Variants in MDM4 observed in about 807,000 individuals in gnomAD.
MDM4 encodes the protein protein Mdm4.
MDM4 carries 2 observed loss-of-function variants against 60.2 expected under a neutral mutation model. That is an observed-to-expected ratio of 0.03 (90% CI 0.01 to 0.10). The LOEUF (loss-of-function observed/expected upper bound fraction) is 0.10. Among genes scored for constraint, MDM4 ranks in the 10% least tolerant of loss-of-function variants. The pLI is 1.00. For missense variants in MDM4, 447 were observed against 577.5 expected, an observed-to-expected ratio of 0.77 and a Z score of 2.32; for synonymous variants, 202 against 198.1, an observed-to-expected ratio of 1.02 and a Z score of -0.17.
At position 204,551,597 on chromosome 1, in the gene MDM4, G is replaced by T. The variant is rs78615083; in HGVS notation, c.*1915G>T. 7.1e-4 allele frequency: 162 copies of T among 226,722 alleles called. No individual in the cohort carries two copies. The highest frequency in any genetic ancestry group is 3.5e-3 in the African/African-American group (153 of 44,268). 14.0% of individuals were successfully genotyped at this position (226,722 alleles called of 1,614,324 possible). A position where few individuals can be genotyped will look rare whatever the true frequency, so the allele number is the denominator to read the frequency against. ...TTTAGGACAACACATATGGAAATTG[G>T]ACATCTTTAAGTTGGTTTCCATAGA... On this transcript the variant is annotated 3_prime_UTR_variant, in exon 11 of 11. Transcript: ENST00000367182.
At position 204,542,990 on chromosome 1, in the gene MDM4, G is replaced by T. The variant is rs751515598; in HGVS notation, c.672+46G>T. 4.7e-6 allele frequency: 7 copies of T among 1,487,988 alleles called. No homozygotes were observed. In the East Asian group the frequency reaches 1.1e-4, roughly 24 times the overall value. 92.2% of individuals were successfully genotyped at this position (1,487,988 alleles called of 1,614,324 possible). A position where few individuals can be genotyped will look rare whatever the true frequency, so the allele number is the denominator to read the frequency against. On this transcript the variant is annotated intron_variant, in intron 8 of 10. Transcript: ENST00000367182. ...GAAGTGGTTTTTTTTCTTTTGAAAG[G>T]GTAACATTCTTGGTTACTCTTGACC...
chr1:204,555,829 C>T lies in MDM4; in HGVS notation c.*6147C>T, dbSNP rs551096018. On this transcript the variant is annotated 3_prime_UTR_variant, in exon 11 of 11. Transcript: ENST00000367182. ...GCAGTGAGCCGAGACTGCACCACTG[C>T]GCTCCCACCTGGGTGACAGAGACTC... 38 of 182,330 alleles carry T rather than the reference C, an allele frequency of 2.1e-4. No individual in the cohort carries two copies. Among genetic ancestry groups the T allele is most frequent in the East Asian group, 2.1e-3 (23 of 11,040 alleles). The allele number at this position is 182,330 out of a possible 1,614,324, so 11.3% of individuals were successfully genotyped here.
intron 10 of MDM4, among the ~76,000 whole-genome samples, chr1:204,548,630 A>G (rs960534428): frequency 5.9e-5 from 9 of 152,206 alleles, no homozygotes; most frequent in East Asian, 1.9e-4. Flanking sequence ...TCTGGGTGCA[A>G]TGAGAGTGCA....
At chr1:204,534,718 C>T (rs1255219711) in intron 5 of MDM4, among the ~76,000 whole-genome samples, 1 of 152,106 alleles carries the variant, frequency 6.6e-6, no homozygotes, top group Admixed American at 6.5e-5. Context: ...TCTTGAACTC[C>T]AGGACTCAAG....
intron 10 of MDM4, among the ~76,000 whole-genome samples, chr1:204,548,344 T>C (rs1662870098): frequency 6.6e-6 from 1 of 152,234 alleles, no homozygotes; most frequent in African/African-American, 2.4e-5. Flanking sequence ...ACAATTGAGT[T>C]ATGACTTCTA....
chr1:204,541,188 G>A (rs1662034011), intron 7 of MDM4, among the ~76,000 whole-genome samples: 1 of 152,166 alleles, frequency 6.6e-6, no homozygotes, highest in Non-Finnish European at 1.5e-5. Context: ...GCTGGGCATG[G>A]TAGCTCGTGC....
chr1:204,552,812 T>C lies in MDM4; in HGVS notation c.*3130T>C, dbSNP rs184687461. On this transcript the variant is annotated 3_prime_UTR_variant, in exon 11 of 11. Coordinates refer to ENST00000367182, the MANE Select transcript of MDM4 (RefSeq NM_002393.5). ...TAAGTACTTAGACGATCCTAAGATA[T>C]GTGCTTGAGCCGAATTTCATCTTTA... The C allele has an allele frequency of 3.3e-5, 6 of 182,520 alleles. No individual in the cohort carries two copies. Among genetic ancestry groups the C allele is most frequent in the Non-Finnish European group, 4.7e-5 (4 of 85,620 alleles). The allele number at this position is 182,520 out of a possible 1,614,324, so 11.3% of individuals were successfully genotyped here.
chr1:204,532,527 T>C (rs1660964574), intron 5 of MDM4: 4 of 554,210 alleles, frequency 7.2e-6, no homozygotes, highest in Non-Finnish European at 1.3e-5. Context: ...TAAGGACTTT[T>C]TTCTCCAAAC....
intron 5 of MDM4, chr1:204,532,450 C>G (rs936529211): frequency 2.1e-5 from 12 of 569,922 alleles, no homozygotes; most frequent in Non-Finnish European, 3.7e-5. Context: ...TTTCCACTTT[C>G]TAGACGTACT....
rs538921423 is a variant in MDM4, at chr1:204,557,410, AT to A, written c.*7738del. On this transcript the variant is annotated 3_prime_UTR_variant, in exon 11 of 11. Transcript: ENST00000367182. ...CTGTGGTCTTGATGTACAAAAAAAA[AT>A]TTTTTTTTTGAGACAGAGTCTTACT... is the stretch of plus-strand genomic sequence containing the variant. 4.3e-4 allele frequency: 74 copies of A among 173,970 alleles called. No individual in the cohort carries two copies. The highest frequency in any genetic ancestry group is 1.5e-3 in the East Asian group (15 of 10,062). The allele number at this position is 173,970 out of a possible 1,614,324, so 10.8% of individuals were successfully genotyped here.
At chr1:204,516,587 T>A (rs1658995748) in intron 1 of MDM4, 78 bp downstream of exon 1, 1 of 152,006 alleles carries the variant, frequency 6.6e-6, no homozygotes, top group Non-Finnish European at 1.5e-5. Flanking sequence ...GTACCGCCAG[T>A]TGTGCGGGTA....
At chr1:204,544,155 A>G (rs1662411901) in intron 8 of MDM4, among the ~76,000 whole-genome samples, 1 of 152,234 alleles carries the variant, frequency 6.6e-6, no homozygotes, top group Non-Finnish European at 1.5e-5. Context: ...AAGGGAAAGA[A>G]TATGTCAGAA....
intron 1 of MDM4, among the ~76,000 whole-genome samples, chr1:204,522,675 G>A (rs1002220146): frequency 9.2e-5 from 14 of 152,090 alleles, no homozygotes; most frequent in African/African-American, 3.4e-4. Context: ...AAAGTGCTGA[G>A]ATTATAGGCG....
chr1:204,534,730 G>A (rs1262591382), intron 5 of MDM4, among the ~76,000 whole-genome samples: 2 of 152,118 alleles, frequency 1.3e-5, no homozygotes, highest in Non-Finnish European at 2.9e-5. Flanking sequence ...GGACTCAAGC[G>A]ATCCCCCTTC....
intron 6 of MDM4, chr1:204,537,808 G>A (rs1661570379): frequency 3.2e-6 from 2 of 627,194 alleles, no homozygotes; most frequent in Non-Finnish European, 6.0e-6. Context: ...TAATAGGCGT[G>A]TTGCAGTTAA....
At chr1:204,517,049 T>G (rs991629196) in intron 1 of MDM4, among the ~76,000 whole-genome samples, 4 of 152,046 alleles carry the variant, frequency 2.6e-5, no homozygotes, top group African/African-American at 9.7e-5. Context: ...GAGACCAACC[T>G]GGCCAACCTG....
chr1:204,549,104 T>G lies in MDM4; in HGVS notation c.904-9T>G, dbSNP rs1332158751. 2 of 1,561,444 alleles carry G rather than the reference T, an allele frequency of 1.3e-6. No homozygotes were observed. Among genetic ancestry groups the G allele is most frequent in the South Asian group, 2.3e-5 (2 of 85,898 alleles). On this transcript the variant is annotated splice_polypyrimidine_tract_variant and intron_variant, in intron 10 of 10. Coordinates refer to ENST00000367182, the MANE Select transcript of MDM4 (RefSeq NM_002393.5). ...CCTGAGTATTAATTGGCTTCACTTG[T>G]CTTTGTAGGATGAGTGGCAGTGTAC...
chr1:204,546,166 AT>A (rs1662636514), intron 9 of MDM4, among the ~76,000 whole-genome samples: 1 of 152,130 alleles, frequency 6.6e-6, no homozygotes, highest in Non-Finnish European at 1.5e-5. Flanking sequence ...ACGTTTAACA[AT>A]TTGGAGCTTT....
At chr1:204,524,955 G>A (rs942659705) in intron 1 of MDM4, among the ~76,000 whole-genome samples, 5 of 149,326 alleles carry the variant, frequency 3.3e-5, no homozygotes, top group Non-Finnish European at 7.4e-5. Context: ...TGTAATTGCT[G>A]TGTTTTTTTC....
Sources: gnomAD v4.1 joint callset for allele counts (sites outside exome capture counted in the v4.1 genomes callset) on GRCh38, gnomAD v4.1.1 for gene constraint, MANE v1.5 for transcripts, NCBI Gene and HGNC (gene_info 2026-07-23, HGNC 2026-07-21) for gene names.